Variants in PDE11A observed in about 807,000 individuals in gnomAD.
PDE11A encodes dual 3',5'-cyclic-AMP and -GMP phosphodiesterase 11A.
A neutral mutation model predicts 100.5 loss-of-function variants in PDE11A; 100 were observed. That is an observed-to-expected ratio of 1.00 (90% CI 0.85 to 1.18). The LOEUF (loss-of-function observed/expected upper bound fraction) is 1.18. Among genes scored for constraint, PDE11A ranks in the 50% most tolerant of loss-of-function variants. The pLI is 0.00. For missense variants in PDE11A, 1,141 were observed against 1,152.6 expected, an observed-to-expected ratio of 0.99 and a Z score of 0.15; for synonymous variants, 381 against 420.8, an observed-to-expected ratio of 0.91 and a Z score of 1.16.
At position 177,769,295 on chromosome 2, in the gene PDE11A, C is replaced by A. The variant is rs778530096; in HGVS notation, c.1788+28G>T. The A allele has an allele frequency of 9.8e-6, 14 of 1,432,408 alleles. No homozygotes were observed. The African/African-American group carries it at 1.8e-4, about 19-fold the overall frequency. The allele number at this position is 1,432,408 out of a possible 1,614,324, so 88.7% of individuals were successfully genotyped here. A position where few individuals can be genotyped will look rare whatever the true frequency, so the allele number is the denominator to read the frequency against. Reference sequence around the variant, plus strand: ...GCCAGGAGAAGTTTAACTGTATGCACTAATAAGGAAACCATTTTCTTCCTT... The same window carrying A: ...GCCAGGAGAAGTTTAACTGTATGCAATAATAAGGAAACCATTTTCTTCCTT... On this transcript the variant is annotated intron_variant, in intron 10 of 19. Transcript: ENST00000286063.
chr2:177,846,141 T>C (rs1424691997), intron 5 of PDE11A, among the ~76,000 whole-genome samples: 2 of 152,090 alleles, frequency 1.3e-5, no homozygotes, highest in Non-Finnish European at 2.9e-5. Context: ...AAAGCTTGCT[T>C]CTCTTCTTTA....
intron 19 of PDE11A, among the ~76,000 whole-genome samples, chr2:177,632,188 C>T (rs2079961459): frequency 6.6e-6 from 1 of 152,252 alleles, no homozygotes; most frequent in Non-Finnish European, 1.5e-5. Flanking sequence ...AGAAGAAAAA[C>T]CAAGGAATAA....
chr2:178,037,970 A>G (rs2086638000), intron 1 of PDE11A, among the ~76,000 whole-genome samples: 1 of 152,202 alleles, frequency 6.6e-6, no homozygotes, highest in Non-Finnish European at 1.5e-5. Context: ...GCAAACCACC[A>G]TGGCACATGT....
intron 6 of PDE11A, among the ~76,000 whole-genome samples, chr2:177,827,778 T>C (rs2083248662): frequency 6.6e-6 from 1 of 152,196 alleles, no homozygotes; most frequent in Non-Finnish European, 1.5e-5. Context: ...AGAATGATTG[T>C]AATGGTGAGG....
chr2:177,951,151 T>A (rs898568677), intron 2 of PDE11A, among the ~76,000 whole-genome samples: 1 of 152,114 alleles, frequency 6.6e-6, no homozygotes, highest in Non-Finnish European at 1.5e-5. Flanking sequence ...TAAAAAAAAG[T>A]ATGAACAGAA....
chr2:177,909,829 A>C (rs763116019), intron 2 of PDE11A, among the ~76,000 whole-genome samples: 3 of 152,156 alleles, frequency 2.0e-5, no homozygotes, highest in Non-Finnish European at 4.4e-5. Context: ...TCAATCTTAA[A>C]AGGTAAGGTA....
intron 1 of PDE11A, among the ~76,000 whole-genome samples, chr2:178,049,915 C>A (rs1043320823): frequency 1.3e-5 from 2 of 152,176 alleles, no homozygotes; most frequent in Non-Finnish European, 2.9e-5. Context: ...GTAGATTCCA[C>A]CTCTGGTGCA....
intron 1 of PDE11A, among the ~76,000 whole-genome samples, chr2:178,068,046 G>A (rs1264489227): frequency 6.6e-6 from 1 of 152,136 alleles, no homozygotes; most frequent in Non-Finnish European, 1.5e-5. Context: ...AATGTTTAAA[G>A]TGCTATATTC....
chr2:177,699,724 T>C (rs2081169507), intron 14 of PDE11A, among the ~76,000 whole-genome samples: 1 of 152,174 alleles, frequency 6.6e-6, no homozygotes, highest in Non-Finnish European at 1.5e-5. Context: ...AGTGGAACAA[T>C]AATAGCACCT....
intron 1 of PDE11A, among the ~76,000 whole-genome samples, chr2:178,026,396 C>T (rs896135629): frequency 1.3e-5 from 2 of 152,138 alleles, no homozygotes; most frequent in Non-Finnish European, 1.5e-5. Flanking sequence ...GCGCTGTGGC[C>T]AACACCTGTA....
intron 12 of PDE11A, chr2:177,723,091 A>G (rs1386064597): frequency 6.6e-6 from 1 of 152,052 alleles, no homozygotes; most frequent in Non-Finnish European, 1.5e-5. Context: ...TTGGACAGGG[A>G]GGGAGGAGTT....
chr2:177,943,419 A>T (rs921624827), intron 2 of PDE11A, among the ~76,000 whole-genome samples: 1 of 152,152 alleles, frequency 6.6e-6, no homozygotes, highest in Non-Finnish European at 1.5e-5. Context: ...GATAGTTGCC[A>T]TCCTCGTGGG....
At chr2:177,906,850 C>A (rs1432935632) in intron 2 of PDE11A, among the ~76,000 whole-genome samples, 2 of 152,218 alleles carry the variant, frequency 1.3e-5, no homozygotes, top group African/African-American at 4.8e-5. Flanking sequence ...ACACATAGAG[C>A]AAGCACTTTC....
intron 17 of PDE11A, among the ~76,000 whole-genome samples, 190 bp downstream of exon 17, chr2:177,675,262 TAAA>T (rs11378638): frequency 2.2e-5 from 3 of 139,122 alleles, no homozygotes; most frequent in East Asian, 4.2e-4. Context: ...GAAAGCACGA[TAAA>T]AAAAAAAAAA....
chr2:177,812,215 G>T (rs1574167019), intron 9 of PDE11A, among the ~76,000 whole-genome samples: 1 of 151,846 alleles, frequency 6.6e-6, no homozygotes, highest in East Asian at 1.9e-4. Flanking sequence ...ATATATTTAT[G>T]GGGAAAACAG....
chr2:177,919,396 C>G (rs1416411464), intron 2 of PDE11A, among the ~76,000 whole-genome samples: 1 of 152,046 alleles, frequency 6.6e-6, no homozygotes, highest in Non-Finnish European at 1.5e-5. Flanking sequence ...TGCGCCTGGC[C>G]AGAAGATTTG....
chr2:178,033,506 C>T (rs769061379), intron 1 of PDE11A, among the ~76,000 whole-genome samples: 2 of 152,142 alleles, frequency 1.3e-5, no homozygotes, highest in Non-Finnish European at 2.9e-5. Context: ...ACTTCCCCAA[C>T]CTAGCAAGAC....
At chr2:177,970,820 CAG>C (rs1176973968) in intron 2 of PDE11A, among the ~76,000 whole-genome samples, 1 of 152,112 alleles carries the variant, frequency 6.6e-6, no homozygotes, top group African/African-American at 2.4e-5. Context: ...GGAGGTACAA[CAG>C]GGGAAGACTA....
At chr2:177,867,651 A>C (rs1197539397) in intron 5 of PDE11A, among the ~76,000 whole-genome samples, 1 of 152,102 alleles carries the variant, frequency 6.6e-6, no homozygotes, top group Non-Finnish European at 1.5e-5. Context: ...ACTTAAACTC[A>C]GGAGGCAGAG....
Sources: allele counts gnomAD v4.1 joint callset (sites outside exome capture counted in the v4.1 genomes callset), GRCh38; gene constraint gnomAD v4.1.1; transcripts MANE v1.5; gene names NCBI Gene and HGNC (gene_info 2026-07-23, HGNC 2026-07-21).